Variants in SYNPR observed in about 807,000 individuals in gnomAD.
SYNPR encodes synaptoporin.
SYNPR carries 23 observed loss-of-function variants against 32.9 expected under a neutral mutation model. The ratio of observed to expected loss-of-function variants is 0.70; its 90% CI spans 0.50 to 0.99. The LOEUF is 0.99. Ranked by LOEUF, SYNPR falls within the 50% of genes least tolerant of loss-of-function variation. SYNPR has a pLI of 0.00. For synonymous variants in SYNPR, 146 were observed against 135.9 expected (o/e 1.07, Z -0.52); for missense variants, 318 against 349.3 (o/e 0.91, Z 0.71).
chr3:63,274,773 G>A (rs569079564), upstream of SYNPR, among the ~76,000 whole-genome samples: 3 of 152,244 alleles, frequency 2.0e-5, no homozygotes, highest in East Asian at 5.8e-4. Context: ...TGAATTGTAG[G>A]ATATTGAGCA....
intron 3 of SYNPR, among the ~76,000 whole-genome samples, chr3:63,490,308 C>T (rs1193345440): frequency 6.6e-6 from 1 of 152,000 alleles, no homozygotes; most frequent in Non-Finnish European, 1.5e-5. Flanking sequence ...AAAAAGGAGG[C>T]AGAGGCTGGA....
chr3:63,303,979 T>C (rs1482919908), intron 2 of SYNPR, among the ~76,000 whole-genome samples: 1 of 152,042 alleles, frequency 6.6e-6, no homozygotes, highest in Non-Finnish European at 1.5e-5. Flanking sequence ...CCAAGGGCTG[T>C]AGAACGGATC....
chr3:63,615,188 T>A, intron 5 of SYNPR, 36 bp from the exon 6 acceptor site: 1 of 1,594,422 alleles, frequency 6.3e-7, no homozygotes, highest in Non-Finnish European at 8.5e-7. Flanking sequence ...GGTTTTTGTC[T>A]AGTCTATCAA....
chr3:63,521,633 A>G (rs958298846), intron 3 of SYNPR, among the ~76,000 whole-genome samples: 12 of 152,178 alleles, frequency 7.9e-5, no homozygotes, highest in African/African-American at 2.9e-4. Flanking sequence ...ATCCCTCACA[A>G]AGTGCTCCTG....
At chr3:63,298,418 G>T (rs527788034) in intron 2 of SYNPR, among the ~76,000 whole-genome samples, 4 of 152,206 alleles carry the variant, frequency 2.6e-5, no homozygotes, top group Admixed American at 2.6e-4. Context: ...AGGGTAATTT[G>T]TTAGGAAATG....
intron 2 of SYNPR, among the ~76,000 whole-genome samples, chr3:63,316,327 A>G (rs2087043073): frequency 6.6e-6 from 1 of 151,926 alleles, no homozygotes; most frequent in South Asian, 2.1e-4. Context: ...TCTTCTTTGA[A>G]TGTCTGGTAG....
chr3:63,587,023 G>A (rs1292120960), intron 4 of SYNPR, among the ~76,000 whole-genome samples: 2 of 151,918 alleles, frequency 1.3e-5, no homozygotes, highest in African/African-American at 4.8e-5. Context: ...CTCTACCTAT[G>A]AAGAACCAGT....
chr3:63,300,331 T>TTCTATCTATCTATCTATCTA (rs59249020), intron 2 of SYNPR, among the ~76,000 whole-genome samples: 12,548 of 151,384 alleles, frequency 0.083, 566 homozygotes, highest in Non-Finnish European at 0.1. Context: ...CATTCTTTGC[T>TTCTATCTATCTATCTATCTA]TCTATCTATC....
chr3:63,369,842 T>C (rs560986725), intron 2 of SYNPR, among the ~76,000 whole-genome samples: 1 of 152,330 alleles, frequency 6.6e-6, no homozygotes, highest in South Asian at 2.1e-4. Context: ...TATGTTTCCT[T>C]AACACTGTAT....
intron 2 of SYNPR, among the ~76,000 whole-genome samples, chr3:63,440,966 C>T (rs140975410): frequency 3.3e-5 from 5 of 152,268 alleles, no homozygotes; most frequent in African/African-American, 7.2e-5. Flanking sequence ...CTGCAGGGTC[C>T]ATGCATCCAA....
the SYNPR span, among the ~76,000 whole-genome samples, chr3:63,203,018 G>GT: frequency 1.5e-5 from 2 of 136,612 alleles, no homozygotes; most frequent in African/African-American, 2.9e-5. Context: ...TTGGTTCTTT[G>GT]TTTTTTTCAA....
intron 2 of SYNPR, among the ~76,000 whole-genome samples, chr3:63,365,435 T>C (rs979297603): frequency 3.3e-5 from 5 of 152,290 alleles, no homozygotes; most frequent in East Asian, 1.9e-4. Context: ...TTGAGCACTA[T>C]TGCTATGATC....
intron 4 of SYNPR, among the ~76,000 whole-genome samples, chr3:63,593,300 A>T (rs1484668270): frequency 6.6e-6 from 1 of 152,166 alleles, no homozygotes; most frequent in Non-Finnish European, 1.5e-5. Flanking sequence ...ATTAGGCAGG[A>T]TCAATGGAAA....
the SYNPR span, among the ~76,000 whole-genome samples, chr3:63,218,730 G>A: frequency 2.0e-5 from 3 of 152,094 alleles, no homozygotes; most frequent in Non-Finnish European, 4.4e-5. Flanking sequence ...TTCATAAAGC[G>A]ATACAAAGGG....
intron 3 of SYNPR, among the ~76,000 whole-genome samples, chr3:63,510,938 C>T (rs892661068): frequency 6.4e-4 from 42 of 65,438 alleles, no homozygotes; most frequent in Admixed American, 3.4e-3. Context: ...TGTGTGTGCG[C>T]GCACGTTGTG....
intron 2 of SYNPR, among the ~76,000 whole-genome samples, chr3:63,369,358 G>C (rs2087767820): frequency 6.6e-6 from 1 of 152,132 alleles, no homozygotes; most frequent in Non-Finnish European, 1.5e-5. Context: ...AACTGATAGA[G>C]TCTGCAAAAT....
chr3:63,519,634 A>T lies in SYNPR; in HGVS notation c.210-36909A>T, dbSNP rs559399869. 9.8e-5 allele frequency among the ~76,000 whole-genome samples: 15 copies of T among 152,328 alleles called. No individual in the cohort carries two copies. In the South Asian group the frequency reaches 2.7e-3, roughly 27 times the overall value. On this transcript the variant is annotated intron_variant, in intron 3 of 5. Coordinates refer to ENST00000478300, the MANE Select transcript of SYNPR (RefSeq NM_001130003.2). ...TCCCATTGCCACTGAATCACACTTGACAGATTATTTCCCAACTGCATCATA... is the reference window on the plus strand; with the variant it reads ...TCCCATTGCCACTGAATCACACTTGTCAGATTATTTCCCAACTGCATCATA...
At chr3:63,259,160 C>T (rs2086415732) in intron 2 of SYNPR, among the ~76,000 whole-genome samples, 1 of 152,148 alleles carries the variant, frequency 6.6e-6, no homozygotes, top group Non-Finnish European at 1.5e-5. Flanking sequence ...AGAGCTGATA[C>T]CATTCCTTCT....
intron 4 of SYNPR, among the ~76,000 whole-genome samples, chr3:63,560,788 T>A (rs540314244): frequency 3.9e-5 from 6 of 152,242 alleles, no homozygotes; most frequent in Middle Eastern, 3.4e-3. Context: ...TCACTCACTA[T>A]CATGAGAACA....
Sources: allele counts gnomAD v4.1 joint callset (sites outside exome capture counted in the v4.1 genomes callset), GRCh38; gene constraint gnomAD v4.1.1; transcripts MANE v1.5; gene names NCBI Gene and HGNC (gene_info 2026-07-23, HGNC 2026-07-21).